ZBTB20: variants seen among roughly 807,000 people sequenced by gnomAD.
The protein encoded by ZBTB20 is zinc finger and BTB domain containing 20.
In ZBTB20, 9 loss-of-function variants were observed where a neutral mutation model predicts 56.9. That is an observed-to-expected ratio of 0.16 (90% confidence interval 0.10 to 0.28). The LOEUF (loss-of-function observed/expected upper bound fraction) is 0.28. Ranked by LOEUF, ZBTB20 falls within the 10% of genes least tolerant of loss-of-function variation. The probability of loss-of-function intolerance (pLI) is 1.00; values close to 1 mark genes in which losing one functional copy is unlikely to be tolerated. For synonymous variants in ZBTB20, 417 were observed against 420.7 expected (o/e 0.99, Z 0.11); for missense variants, 655 against 1,003.0 (o/e 0.65, Z 4.69).
At chr3:115,056,862 T>A (rs1351272371) in intron 2 of ZBTB20, among the ~76,000 whole-genome samples, 1 of 152,122 alleles carries the variant, frequency 6.6e-6, no homozygotes, top group Non-Finnish European at 1.5e-5. Flanking sequence ...GAATAAGGAA[T>A]AATGTACTCT....
intron 10 of ZBTB20, among the ~76,000 whole-genome samples, chr3:114,353,317 G>GCTCTACCTT (rs1560120681): frequency 6.6e-6 from 1 of 152,126 alleles, no homozygotes; most frequent in African/African-American, 2.4e-5. Flanking sequence ...AACTCTTTCC[G>GCTCTACCTT]CTCTACCTTG....
At chr3:114,501,739 C>A (rs2044011556) in intron 6 of ZBTB20, among the ~76,000 whole-genome samples, 3 of 135,016 alleles carry the variant, frequency 2.2e-5, no homozygotes, top group Admixed American at 1.5e-4. Flanking sequence ...GATGAACTCT[C>A]CCTCTGTCAC....
intron 1 of ZBTB20, among the ~76,000 whole-genome samples, chr3:115,132,928 A>G (rs917074274): frequency 1.3e-5 from 2 of 152,220 alleles, no homozygotes; most frequent in African/African-American, 4.8e-5. Flanking sequence ...ATATTTTAAA[A>G]TAGCTACTAG....
rs534968024 is a variant in ZBTB20, at chr3:114,657,778, G to A, written c.-295+35750C>T. 1.6e-4 allele frequency among the ~76,000 whole-genome samples: 25 copies of A among 152,136 alleles called. No homozygotes were observed. In the South Asian group the frequency reaches 2.5e-3, roughly 15 times the overall value. On this transcript the variant is annotated intron_variant, in intron 6 of 11. Coordinates refer to ENST00000675478, the MANE Select transcript of ZBTB20 (RefSeq NM_001348800.3). ...TTCCAACTGCTTTTGGTCACTCTCC[G>A]GTGCCTTCAAATAATTGTGGTGTTT... is the stretch of plus-strand genomic sequence containing the variant.
At chr3:114,852,878 T>C (rs1474862930) in intron 4 of ZBTB20, among the ~76,000 whole-genome samples, 1 of 152,182 alleles carries the variant, frequency 6.6e-6, no homozygotes, top group Non-Finnish European at 1.5e-5. Flanking sequence ...TTTCCTGTTA[T>C]GTTTTACCTT....
intron 7 of ZBTB20, among the ~76,000 whole-genome samples, chr3:114,475,698 AC>A (rs967626607): frequency 1.3e-5 from 2 of 152,202 alleles, no homozygotes; most frequent in Non-Finnish European, 2.9e-5. Context: ...GGGTAAAGAA[AC>A]ACAGAAGCAA....
intron 7 of ZBTB20, among the ~76,000 whole-genome samples, chr3:114,395,305 G>A (rs780468113): frequency 6.6e-6 from 1 of 152,070 alleles, no homozygotes; most frequent in East Asian, 1.9e-4. Flanking sequence ...GTTAGAAAGT[G>A]TAAGATAAGA....
chr3:114,702,035 A>C (rs1397197031), intron 5 of ZBTB20, among the ~76,000 whole-genome samples: 1 of 152,222 alleles, frequency 6.6e-6, no homozygotes, highest in Admixed American at 6.5e-5. Context: ...AACATAATGC[A>C]TAAAAAAAAA....
intron 1 of ZBTB20, among the ~76,000 whole-genome samples, chr3:115,131,406 C>T (rs1388456747): frequency 6.6e-6 from 1 of 152,148 alleles, no homozygotes; most frequent in Non-Finnish European, 1.5e-5. Flanking sequence ...TCATAAGAAA[C>T]TCCTGGAAAT....
intron 7 of ZBTB20, among the ~76,000 whole-genome samples, chr3:114,458,479 A>T (rs951147616): frequency 6.6e-5 from 10 of 152,324 alleles, no homozygotes; most frequent in Admixed American, 1.3e-4. Flanking sequence ...CAGATTTTTA[A>T]AACATTTCCT....
intron 5 of ZBTB20, among the ~76,000 whole-genome samples, chr3:114,720,161 T>C (rs1007472394): frequency 2.7e-5 from 4 of 149,334 alleles, no homozygotes; most frequent in African/African-American, 9.8e-5. Context: ...TTATCATATA[T>C]TACTTTTGAT....
chr3:114,483,174 T>G (rs1159169959), intron 7 of ZBTB20, among the ~76,000 whole-genome samples: 1 of 152,200 alleles, frequency 6.6e-6, no homozygotes, highest in African/African-American at 2.4e-5. Context: ...TATTTAACTT[T>G]AATTAAACAT....
intron 5 of ZBTB20, among the ~76,000 whole-genome samples, chr3:114,749,984 C>G (rs2067438033): frequency 6.6e-6 from 1 of 152,146 alleles, no homozygotes; most frequent in African/African-American, 2.4e-5. Flanking sequence ...GGTCTGGTAT[C>G]CATGCTACAA....
At chr3:114,570,530 G>A (rs923707957) in intron 6 of ZBTB20, among the ~76,000 whole-genome samples, 1 of 152,002 alleles carries the variant, frequency 6.6e-6, no homozygotes, top group African/African-American at 2.4e-5. Context: ...GAGAGCTGAA[G>A]TAACTTGTCA....
At chr3:114,827,303 A>G (rs931550928) in intron 4 of ZBTB20, among the ~76,000 whole-genome samples, 1 of 151,708 alleles carries the variant, frequency 6.6e-6, no homozygotes, top group African/African-American at 2.4e-5. Flanking sequence ...GACCTCGAAT[A>G]TTGCAAGTAT....
intron 2 of ZBTB20, among the ~76,000 whole-genome samples, chr3:115,012,774 C>G (rs2079777362): frequency 6.6e-6 from 1 of 151,762 alleles, no homozygotes; most frequent in African/African-American, 2.4e-5. Context: ...ACATTCTTTT[C>G]CTCAGCACAT....
chr3:114,666,900 T>C (rs2061087518), intron 6 of ZBTB20, among the ~76,000 whole-genome samples: 1 of 151,986 alleles, frequency 6.6e-6, no homozygotes, highest in Non-Finnish European at 1.5e-5. Context: ...ACCAGTTCCT[T>C]TTCCTGTGAG....
chr3:114,577,784 A>G (rs139898971), intron 6 of ZBTB20, among the ~76,000 whole-genome samples: 52 of 152,356 alleles, frequency 3.4e-4, no homozygotes, highest in African/African-American at 1.1e-3. Context: ...ATACAGCATT[A>G]TGATAAAATA....
intron 1 of ZBTB20, among the ~76,000 whole-genome samples, chr3:115,083,394 A>G (rs993643579): frequency 2.2e-4 from 34 of 152,114 alleles, no homozygotes; most frequent in Admixed American, 1.2e-3. Flanking sequence ...CCTTGTTGCC[A>G]TCAAACTATA....
Sources: gnomAD v4.1 joint callset for allele counts (sites outside exome capture counted in the v4.1 genomes callset) on GRCh38, gnomAD v4.1.1 for gene constraint, MANE v1.5 for transcripts, NCBI Gene and HGNC (gene_info 2026-07-23, HGNC 2026-07-21) for gene names.